The following SLC24A2 variants were observed in gnomAD, a reference collection of about 807,000 sequenced individuals.
SLC24A2 encodes sodium/potassium/calcium exchanger 2.
Under a neutral mutation model 62.0 loss-of-function variants are expected in SLC24A2, and 36 were observed. The observed-to-expected ratio is 0.58, with a 90% CI of 0.44 to 0.77. The LOEUF (loss-of-function observed/expected upper bound fraction) is 0.77. SLC24A2 is among the 30% of genes least tolerant of loss of function. SLC24A2 has a pLI of 0.00. For missense variants in SLC24A2, 846 were observed against 817.9 expected (o/e 1.03, Z -0.42); for synonymous variants, 358 against 294.0 (o/e 1.22, Z -2.23).
chr9:20,253,800 C>T, the SLC24A2 span, among the ~76,000 whole-genome samples: 2 of 152,086 alleles, frequency 1.3e-5, no homozygotes, highest in South Asian at 2.1e-4. Flanking sequence ...AGTCAGTTCA[C>T]GGGGGGTCAG....
chr9:19,688,530 T>C (rs911783345), intron 2 of SLC24A2, among the ~76,000 whole-genome samples: 2 of 151,694 alleles, frequency 1.3e-5, no homozygotes, highest in African/African-American at 4.9e-5. Flanking sequence ...AAGAGTTGCA[T>C]AGAAGAAAAA....
intron 4 of SLC24A2, among the ~76,000 whole-genome samples, chr9:19,613,385 C>T (rs534829149): frequency 1.3e-5 from 2 of 152,160 alleles, no homozygotes; most frequent in South Asian, 2.1e-4. Flanking sequence ...AGTTCAAGAC[C>T]ACGCATTTTA....
At chr9:19,665,050 A>C (rs1819209410) in intron 2 of SLC24A2, among the ~76,000 whole-genome samples, 1 of 152,170 alleles carries the variant, frequency 6.6e-6, no homozygotes, top group East Asian at 1.9e-4. Context: ...TTCCTCATAG[A>C]ATTTCAAGGC....
the SLC24A2 span, among the ~76,000 whole-genome samples, chr9:20,045,898 T>G: frequency 6.6e-5 from 10 of 152,090 alleles, no homozygotes; most frequent in African/African-American, 2.4e-4. Flanking sequence ...CAGTGAGTGA[T>G]GGGTTTGAAC....
chr9:20,187,162 GA>G, the SLC24A2 span, among the ~76,000 whole-genome samples: 1 of 152,154 alleles, frequency 6.6e-6, no homozygotes, highest in Admixed American at 6.5e-5. Context: ...AGTGGTGTCA[GA>G]ACCTGGCTTG....
At chr9:20,197,632 G>A in the SLC24A2 span, among the ~76,000 whole-genome samples, 589 of 151,914 alleles carry the variant, frequency 3.9e-3, 5 homozygotes, top group African/African-American at 0.013. Context: ...GGGTTTTACC[G>A]TGTTGGCCAA....
the SLC24A2 span, among the ~76,000 whole-genome samples, chr9:20,133,226 A>G: frequency 6.6e-6 from 1 of 152,122 alleles, no homozygotes; most frequent in Admixed American, 6.6e-5. Flanking sequence ...ACATGCATGC[A>G]TGCACATGTA....
At chr9:19,975,154 G>T in the SLC24A2 span, among the ~76,000 whole-genome samples, 1 of 152,096 alleles carries the variant, frequency 6.6e-6, no homozygotes, top group Non-Finnish European at 1.5e-5. Flanking sequence ...AACACAAAAT[G>T]GTCTGATTTA....
the SLC24A2 span, among the ~76,000 whole-genome samples, chr9:20,175,424 A>G: frequency 6.6e-6 from 1 of 152,060 alleles, no homozygotes; most frequent in Non-Finnish European, 1.5e-5. Context: ...GGTATAGAGA[A>G]TGGTGATAGT....
chr9:20,033,345 G>GGAGAC, the SLC24A2 span, among the ~76,000 whole-genome samples: 8 of 152,132 alleles, frequency 5.3e-5, no homozygotes, highest in Admixed American at 2.6e-4. Context: ...ACAGATAAGT[G>GGAGAC]GAGACTTGCA....
chr9:20,278,991 C>T, the SLC24A2 span, among the ~76,000 whole-genome samples: 1 of 152,122 alleles, frequency 6.6e-6, no homozygotes, highest in Non-Finnish European at 1.5e-5. Flanking sequence ...GGGAAGCAAA[C>T]ATGTCCTTCT....
chr9:19,672,574 G>C (rs928748270), intron 2 of SLC24A2, among the ~76,000 whole-genome samples: 1 of 145,532 alleles, frequency 6.9e-6, no homozygotes, highest in African/African-American at 2.7e-5. Context: ...TTTCTTGTGC[G>C]GGGTCTGGGT....
chr9:19,991,756 T>A, the SLC24A2 span, among the ~76,000 whole-genome samples: 1 of 152,184 alleles, frequency 6.6e-6, no homozygotes, highest in Non-Finnish European at 1.5e-5. Context: ...AAAAGCAATA[T>A]GATGAGATTT....
intron 4 of SLC24A2, among the ~76,000 whole-genome samples, chr9:19,601,447 A>T (rs1475804502): frequency 6.6e-6 from 1 of 152,202 alleles, no homozygotes; most frequent in Non-Finnish European, 1.5e-5. Flanking sequence ...TTTTCACAAT[A>T]AATCTTGCTG....
At chr9:19,727,336 G>C (rs1821200995) in intron 2 of SLC24A2, among the ~76,000 whole-genome samples, 1 of 152,062 alleles carries the variant, frequency 6.6e-6, no homozygotes, top group Non-Finnish European at 1.5e-5. Context: ...TTTGAAAAGT[G>C]GCCTTAAATA....
the SLC24A2 span, among the ~76,000 whole-genome samples, chr9:20,274,779 C>T: frequency 1.3e-5 from 2 of 152,186 alleles, no homozygotes; most frequent in Admixed American, 1.3e-4. Context: ...CCTCATCCAC[C>T]GAGATCTCTT....
At chr9:20,213,178 G>A in the SLC24A2 span, among the ~76,000 whole-genome samples, 1 of 151,714 alleles carries the variant, frequency 6.6e-6, no homozygotes, top group Non-Finnish European at 1.5e-5. Flanking sequence ...TCCCAGAACT[G>A]AAAATAAAGT....
chr9:19,922,188 T>C, the SLC24A2 span, among the ~76,000 whole-genome samples: 1 of 152,204 alleles, frequency 6.6e-6, no homozygotes, highest in Non-Finnish European at 1.5e-5. Context: ...GAAAATTTAT[T>C]GTTTCACTCA....
chr9:19,616,152 CA>C (rs970491444), intron 4 of SLC24A2, among the ~76,000 whole-genome samples: 72 of 152,018 alleles, frequency 4.7e-4, no homozygotes, highest in African/African-American at 1.6e-3. Flanking sequence ...AGGAAGAAGA[CA>C]TTTTTTTTCA....
Sources: gnomAD v4.1 joint callset for allele counts (sites outside exome capture counted in the v4.1 genomes callset) on GRCh38, gnomAD v4.1.1 for gene constraint, MANE v1.5 for transcripts, NCBI Gene and HGNC (gene_info 2026-07-23, HGNC 2026-07-21) for gene names.